Variants in LRIT3 observed in about 807,000 individuals in gnomAD.
The protein encoded by LRIT3 is leucine rich repeat, Ig-like and transmembrane domains 3.
A neutral mutation model predicts 22.6 loss-of-function variants in LRIT3; 14 were observed. The ratio of observed to expected loss-of-function variants is 0.62; its 90% CI spans 0.41 to 0.97. The LOEUF (loss-of-function observed/expected upper bound fraction) is 0.97. Ranked by LOEUF, LRIT3 falls within the 50% of genes least tolerant of loss-of-function variation. The pLI is 0.00. For missense variants in LRIT3, 783 were observed against 803.0 expected (o/e 0.98, Z 0.30); for synonymous variants, 306 against 304.5 (o/e 1.01, Z -0.05).
At chr4:109,855,201 A>G (rs980937498) in intron 2 of LRIT3, among the ~76,000 whole-genome samples, 1 of 152,160 alleles carries the variant, frequency 6.6e-6, no homozygotes, top group Non-Finnish European at 1.5e-5. Flanking sequence ...CTATTTAATT[A>G]CTGCCTCAAT....
chr4:109,857,523 C>T (rs1364171661), intron 2 of LRIT3, among the ~76,000 whole-genome samples: 1 of 152,180 alleles, frequency 6.6e-6, no homozygotes, highest in African/African-American at 2.4e-5. Flanking sequence ...TGGTTAATCT[C>T]CATAATTCTG....
At position 109,870,316 on chromosome 4, in the gene LRIT3, G is replaced by C; in HGVS notation, c.1567G>C (p.Gly523Arg). ...AGTGACTGTGTTGTATTCCAAGTAT[G>C]GTGGGAAGGACCTGCTGCTGTTGAA... The part of the protein sequence containing the change: ...SAVTVLYSKY[G>R]GKDLLLLNAD... Residue 523 changes from glycine (G) to arginine (R), a missense_variant, in exon 4 of 4, where the codon GGT becomes CGT. Gly to Arg is a moderately radical substitution (Grantham distance 125). Coordinates refer to ENST00000594814, the MANE Select transcript of LRIT3 (RefSeq NM_198506.5). 1 of 1,614,176 alleles carries C rather than the reference G, an allele frequency of 6.2e-7. No homozygotes were observed. Among genetic ancestry groups the C allele is most frequent in the Non-Finnish European group, 8.5e-7 (1 of 1,180,024 alleles).
intron 2 of LRIT3, among the ~76,000 whole-genome samples, chr4:109,854,454 G>T (rs1404408573): frequency 1.3e-5 from 2 of 152,126 alleles, no homozygotes; most frequent in African/African-American, 4.8e-5. Flanking sequence ...AGACTTTGCT[G>T]AAGTTGCTTT....
chr4:109,851,912 C>A lies in LRIT3; in HGVS notation c.525C>A (p.Ser175Arg). 2 of 1,551,608 alleles carry A rather than the reference C, an allele frequency of 1.3e-6. No homozygotes were observed. Among genetic ancestry groups the A allele is most frequent in the African/African-American group, 1.4e-5 (1 of 73,154 alleles). ...LTTLPPDFLE[S>R]WTHLVSTPSG... ...CATTGCCACCAGATTTCCTGGAGAG[C>A]TGGACTCATTTAGTTTCAACACCTT... The change falls in exon 2 of 4, where the codon AGC becomes AGA. Residue 175 changes from serine to arginine, a missense_variant. Transcript: ENST00000594814.
At chr4:109,852,652 A>G (rs374768181) in intron 2 of LRIT3, among the ~76,000 whole-genome samples, 1 of 152,230 alleles carries the variant, frequency 6.6e-6, no homozygotes, top group African/African-American at 2.4e-5. Flanking sequence ...GGTTTGTTAC[A>G]TAGGTATAAA....
Position 109,869,928 on chromosome 4 carries a change from C to A in LRIT3, c.1179C>A (p.Pro393=). The stretch of plus-strand genomic sequence containing the variant: ...ATCTTTGGTCCTCTTCCTTCTCCCC[C>A]ACATCTTCTTTTTCTGCTTCTACTT... ...SSYLWSSSFS[P]TSSFSASTLS... The change falls in exon 4 of 4, where the codon CCC becomes CCA. Residue 393 remains proline (P), a synonymous_variant. Coordinates refer to ENST00000594814, the MANE Select transcript of LRIT3 (RefSeq NM_198506.5). 1 of 1,613,850 alleles carries A rather than the reference C, an allele frequency of 6.2e-7. No homozygotes were observed. Among genetic ancestry groups the A allele is most frequent in the Non-Finnish European group, 8.5e-7 (1 of 1,179,888 alleles).
chr4:109,869,904 T>A lies in LRIT3; in HGVS notation c.1155T>A (p.Tyr385Ter). ...RSTSVSSASS[Y>*]LWSSSFSPTS... ...CATCTGTATCTAGCGCATCATCATA[T>A]CTTTGGTCCTCTTCCTTCTCCCCCA... Residue 385 changes from tyrosine (Y) to a stop codon, truncating the protein, a stop_gained, in exon 4 of 4, where the codon TAT (tyrosine) becomes TAA (stop). Transcript: ENST00000594814. LOFTEE classifies it low-confidence loss of function (END_TRUNC). The A allele has an allele frequency of 1.2e-6, 2 of 1,614,120 alleles. No individual in the cohort carries two copies. The highest frequency in any genetic ancestry group is 2.2e-5 in the South Asian group (2 of 91,078).
Sources: gnomAD v4.1 joint callset for allele counts (sites outside exome capture counted in the v4.1 genomes callset) on GRCh38, gnomAD v4.1.1 for gene constraint, MANE v1.5 for transcripts, NCBI Gene and HGNC (gene_info 2026-07-23, HGNC 2026-07-21) for gene names.